ATP9A: variants seen among roughly 807,000 people sequenced by gnomAD.
ATP9A encodes ATPase phospholipid transporting 9A.
ATP9A carries 52 observed loss-of-function variants against 144.1 expected under a neutral mutation model. The observed-to-expected ratio is 0.36, with a 90% CI of 0.29 to 0.45. ATP9A has a LOEUF of 0.45. Ranked by LOEUF, ATP9A falls within the 20% of genes least tolerant of loss-of-function variation. ATP9A has a pLI of 1.00. For missense variants in ATP9A, 947 were observed against 1,392.7 expected, an observed-to-expected ratio of 0.68 and a Z score of 5.09; for synonymous variants, 582 against 557.4, an observed-to-expected ratio of 1.04 and a Z score of -0.62.
intron 17 of ATP9A, among the ~76,000 whole-genome samples, chr20:51,625,766 TTTCTAAAGACCAAGTCGAGC>T (rs1317576675): frequency 6.6e-6 from 1 of 152,208 alleles, no homozygotes; most frequent in African/African-American, 2.4e-5. Flanking sequence ...GTCACCAGGT[TTTCTAAAGACCAAGTCGAGC>T]TTCTGAAGAC....
chr20:51,705,574 C>A (rs1355986445), intron 4 of ATP9A, among the ~76,000 whole-genome samples: 1 of 152,152 alleles, frequency 6.6e-6, no homozygotes, highest in Non-Finnish European at 1.5e-5. Flanking sequence ...GTTAATTATG[C>A]CTCTGTTTGC....
chr20:51,739,537 G>T (rs1018661471), intron 1 of ATP9A, among the ~76,000 whole-genome samples: 4 of 151,500 alleles, frequency 2.6e-5, no homozygotes, highest in African/African-American at 9.7e-5. Context: ...GTTTTTTTTA[G>T]CAGAGACAGG....
In ATP9A at chr20:51,627,648, G is replaced by T; in HGVS notation, c.1797C>A (p.Leu599=). 3 of 1,614,150 alleles carry T rather than the reference G, an allele frequency of 1.9e-6. No homozygotes were observed. The highest frequency in any genetic ancestry group is 2.5e-6 in the Non-Finnish European group (3 of 1,180,020). ...CTGCAAGAGACTTCTTTGCCACCAC[G>T]AGCACCCGCAGCCCTTCTCGGGCCA... is the stretch of plus-strand genomic sequence containing the variant. ...GNMAREGLRV[L]VVAKKSLAEE... Residue 599 remains leucine (L), a synonymous_variant, in exon 17 of 28, where the codon CTC becomes CTA. Coordinates refer to ENST00000338821, the MANE Select transcript of ATP9A (RefSeq NM_006045.3).
chr20:51,608,850 T>C (rs1044009151), intron 24 of ATP9A, among the ~76,000 whole-genome samples: 5 of 151,644 alleles, frequency 3.3e-5, no homozygotes, highest in African/African-American at 1.2e-4. Context: ...AATAAACAAA[T>C]AAATTAGGTA....
intron 3 of ATP9A, among the ~76,000 whole-genome samples, chr20:51,723,563 CTTTTTT>C (rs753282602): frequency 4.5e-5 from 6 of 133,260 alleles, no homozygotes; most frequent in East Asian, 2.7e-4. Flanking sequence ...ACAGCAAATT[CTTTTTT>C]TTTTTTTTTT....
intron 4 of ATP9A, 74 bp downstream of exon 4, chr20:51,712,892 G>A: frequency 7.3e-7 from 1 of 1,368,422 alleles, no homozygotes; most frequent in South Asian, 1.2e-5. Flanking sequence ...CCCGGGCCTT[G>A]AACTCTTCTC....
chr20:51,638,111 A>ATATATATATG (rs2077302361), intron 15 of ATP9A, among the ~76,000 whole-genome samples: 4 of 85,338 alleles, frequency 4.7e-5, no homozygotes, highest in African/African-American at 1.5e-4. Flanking sequence ...ATATATATAT[A>ATATATATATG]TATATATATA....
chr20:51,676,659 A>G (rs780876443), intron 9 of ATP9A, among the ~76,000 whole-genome samples: 39 of 152,008 alleles, frequency 2.6e-4, no homozygotes, highest in Non-Finnish European at 4.0e-4. Flanking sequence ...TTGTATTTTT[A>G]GTAGATACGG....
intron 9 of ATP9A, among the ~76,000 whole-genome samples, chr20:51,687,696 C>T (rs779974719): frequency 1.4e-4 from 21 of 151,250 alleles, no homozygotes; most frequent in East Asian, 3.9e-4. Context: ...CCCAGGAGTT[C>T]GAGGCTGCAG....
intron 27 of ATP9A, 81 bp downstream of exon 27, chr20:51,604,736 C>G (rs778171580): frequency 7.7e-6 from 10 of 1,293,638 alleles, no homozygotes; most frequent in Admixed American, 6.8e-5. Flanking sequence ...TGGGAACCCC[C>G]CTTCCTTCAT....
intron 4 of ATP9A, among the ~76,000 whole-genome samples, chr20:51,704,569 T>G (rs1232813815): frequency 6.6e-6 from 1 of 151,878 alleles, no homozygotes; most frequent in Non-Finnish European, 1.5e-5. Flanking sequence ...TCACCTGTGG[T>G]CAGGAGTTCA....
intron 13 of ATP9A, among the ~76,000 whole-genome samples, chr20:51,665,451 G>T (rs928393594): frequency 1.3e-5 from 2 of 152,142 alleles, no homozygotes; most frequent in African/African-American, 4.8e-5. Context: ...AGGCGTGGTG[G>T]TTCAAGCCTG....
At chr20:51,718,940 C>T (rs913666063) in intron 3 of ATP9A, among the ~76,000 whole-genome samples, 6 of 151,128 alleles carry the variant, frequency 4.0e-5, no homozygotes, top group Non-Finnish European at 8.8e-5. Flanking sequence ...CCAGCCTGAC[C>T]AACATGATGA....
intron 15 of ATP9A, among the ~76,000 whole-genome samples, 190 bp downstream of exon 15, chr20:51,639,153 C>T (rs76939005): frequency 0.031 from 4,719 of 152,208 alleles, 236 homozygotes; most frequent in African/African-American, 0.1. Flanking sequence ...ACACCATAAG[C>T]GGATCAGAGT....
At chr20:51,695,312 G>A (rs181471929) in intron 6 of ATP9A, among the ~76,000 whole-genome samples, 61 of 151,852 alleles carry the variant, frequency 4.0e-4, no homozygotes, top group East Asian at 7.8e-4. Flanking sequence ...GTGAAACCCC[G>A]TCTCTACTAA....
chr20:51,662,749 G>C (rs1468140415), intron 13 of ATP9A, among the ~76,000 whole-genome samples: 3 of 151,902 alleles, frequency 2.0e-5, no homozygotes, highest in Non-Finnish European at 4.4e-5. Flanking sequence ...AACCAGGAAG[G>C]CTTCTCAGAA....
chr20:51,622,214 G>T, intron 18 of ATP9A, 42 bp from the exon 19 acceptor site: 1 of 1,551,464 alleles, frequency 6.4e-7, no homozygotes. Flanking sequence ...ATTAGTTTTT[G>T]AGGCCGGCCT....
rs570497383 is a variant in ATP9A at position 51,674,188 on chromosome 20, G to T, written c.1002C>A (p.Arg334=). ...TGATGTTGGAAAACAAGAGGAGGAA[G>T]CGGATGATCTGCAGGTACCAACGGC... ...FAGRWYLQII[R]FLLLFSNIIP... is the part of the protein sequence containing the mutation. Residue 334 remains arginine (R), a synonymous_variant, in exon 11 of 28, where the codon CGC becomes CGA. Transcript: ENST00000338821. 2 of 1,613,988 alleles carry T rather than the reference G, an allele frequency of 1.2e-6. No individual in the cohort carries two copies. Among genetic ancestry groups the T allele is most frequent in the Admixed American group, 1.7e-5 (1 of 59,998 alleles).
At chr20:51,729,076 T>C (rs557936814) in intron 2 of ATP9A, among the ~76,000 whole-genome samples, 3 of 152,356 alleles carry the variant, frequency 2.0e-5, no homozygotes, top group East Asian at 1.9e-4. Context: ...ATTCTCTCTA[T>C]AGATGGTAAG....
Sources: allele counts gnomAD v4.1 joint callset (sites outside exome capture counted in the v4.1 genomes callset), GRCh38; gene constraint gnomAD v4.1.1; transcripts MANE v1.5; gene names NCBI Gene and HGNC (gene_info 2026-07-23, HGNC 2026-07-21).